DNAAF11: variants seen among roughly 807,000 people sequenced by gnomAD.
The protein encoded by DNAAF11 is dynein axonemal assembly factor 11.
In DNAAF11, 45 loss-of-function variants were observed where a neutral mutation model predicts 60.8. That is an observed-to-expected ratio of 0.74 (90% CI 0.58 to 0.95). DNAAF11 has a LOEUF of 0.95. Ranked by LOEUF, DNAAF11 falls within the 40% of genes least tolerant of loss-of-function variation. The pLI is 0.00. For missense variants in DNAAF11, 546 were observed against 546.2 expected (o/e 1.00, Z 0.00); for synonymous variants, 191 against 183.5 (o/e 1.04, Z -0.33).
At chr8:132,692,489 G>C in the DNAAF11 span, among the ~76,000 whole-genome samples, 1 of 152,174 alleles carries the variant, frequency 6.6e-6, no homozygotes, top group Non-Finnish European at 1.5e-5. Flanking sequence ...ATGCAGCCAG[G>C]CACAGCTCTT....
At chr8:132,659,621 A>G (rs1401910806) in intron 2 of DNAAF11, among the ~76,000 whole-genome samples, 2 of 152,174 alleles carry the variant, frequency 1.3e-5, no homozygotes, top group Non-Finnish European at 2.9e-5. Flanking sequence ...CAGAGTTTCT[A>G]ATTTCTGGTC....
In DNAAF11 at chr8:132,661,442, C is replaced by G; in HGVS notation, c.178+18G>C. 1 of 1,594,572 alleles carries G rather than the reference C, an allele frequency of 6.3e-7. No homozygotes were observed. Among genetic ancestry groups the G allele is most frequent in the Admixed American group, 1.7e-5 (1 of 58,788 alleles). On this transcript the variant is annotated intron_variant, in intron 2 of 11. Coordinates refer to ENST00000620350, the MANE Select transcript of DNAAF11 (RefSeq NM_012472.6). The stretch of plus-strand genomic sequence containing the variant: ...CACAATGTTCAAGAAACCATGAGAA[C>G]TAAGTACTGAAACTTACCAATTTTC...
chr8:132,626,373 G>A (rs1033982539), intron 5 of DNAAF11, among the ~76,000 whole-genome samples: 1 of 152,090 alleles, frequency 6.6e-6, no homozygotes, highest in South Asian at 2.1e-4. Context: ...ATTATGGCCT[G>A]TGTCTAGTTT....
intron 10 of DNAAF11, among the ~76,000 whole-genome samples, chr8:132,602,395 T>C (rs1054039018): frequency 2.6e-5 from 4 of 152,110 alleles, no homozygotes; most frequent in Non-Finnish European, 5.9e-5. Context: ...GAGGTATGTG[T>C]TTAGCACTGT....
intron 6 of DNAAF11, chr8:132,622,939 G>T (rs1819907337): frequency 1.4e-5 from 5 of 351,524 alleles, no homozygotes; most frequent in Non-Finnish European, 2.5e-5. Flanking sequence ...AAGACAATTT[G>T]CCAGATAATT....
At chr8:132,616,763 A>T (rs1037149293) in intron 7 of DNAAF11, among the ~76,000 whole-genome samples, 17 of 152,226 alleles carry the variant, frequency 1.1e-4, no homozygotes, top group African/African-American at 4.1e-4. Flanking sequence ...GCACTCAGGC[A>T]AAAGTTTTCT....
chr8:132,593,877 C>G (rs1816728021), intron 10 of DNAAF11, among the ~76,000 whole-genome samples: 1 of 151,924 alleles, frequency 6.6e-6, no homozygotes. Context: ...CTATATACCA[C>G]CCATAAAAAT....
At chr8:132,685,509 T>C in the DNAAF11 span, among the ~76,000 whole-genome samples, 183 of 152,322 alleles carry the variant, frequency 1.2e-3, no homozygotes, top group African/African-American at 4.3e-3. Context: ...TCTTCTTTGA[T>C]TTGAGTTTTT....
chr8:132,663,088 C>T (rs1052831412), intron 1 of DNAAF11, among the ~76,000 whole-genome samples: 3 of 152,094 alleles, frequency 2.0e-5, no homozygotes, highest in Non-Finnish European at 4.4e-5. Context: ...TAAGCTTTGG[C>T]TCAACTAACA....
At chr8:132,663,402 G>C (rs1389813575) in intron 1 of DNAAF11, among the ~76,000 whole-genome samples, 1 of 152,174 alleles carries the variant, frequency 6.6e-6, no homozygotes, top group Non-Finnish European at 1.5e-5. Context: ...CCAGAGGATA[G>C]AGCAATGCTC....
chr8:132,611,843 T>A (rs1818700472), intron 8 of DNAAF11, among the ~76,000 whole-genome samples: 1 of 152,134 alleles, frequency 6.6e-6, no homozygotes, highest in African/African-American at 2.4e-5. Context: ...CAAAGTCACA[T>A]CCTGCTGAAT....
At chr8:132,625,822 G>A (rs1820214656) in intron 5 of DNAAF11, among the ~76,000 whole-genome samples, 1 of 152,152 alleles carries the variant, frequency 6.6e-6, no homozygotes, top group African/African-American at 2.4e-5. Flanking sequence ...CAGTAGATCT[G>A]AAGTAGTAGA....
At chr8:132,674,859 G>C (rs556738422) in intron 1 of DNAAF11, among the ~76,000 whole-genome samples, 6 of 152,256 alleles carry the variant, frequency 3.9e-5, no homozygotes, top group African/African-American at 1.4e-4. Context: ...CTGCACTCCA[G>C]CCTGGGCGAC....
intron 1 of DNAAF11, among the ~76,000 whole-genome samples, chr8:132,674,031 G>GAGGAGCAGGAGCAGA (rs1554612961): frequency 6.8e-6 from 1 of 146,714 alleles, no homozygotes; most frequent in African/African-American, 2.5e-5. Flanking sequence ...GAAGGAGCAG[G>GAGGAGCAGGAGCAGA]AGGAGCAGGA....
chr8:132,682,394 C>G, the DNAAF11 span, among the ~76,000 whole-genome samples: 9 of 152,222 alleles, frequency 5.9e-5, no homozygotes, highest in Non-Finnish European at 1.0e-4. Flanking sequence ...CTTGGACTCT[C>G]TGAACCATTT....
chr8:132,631,724 T>C (rs1052540527), intron 5 of DNAAF11, among the ~76,000 whole-genome samples: 3 of 152,076 alleles, frequency 2.0e-5, no homozygotes, highest in Non-Finnish European at 4.4e-5. Flanking sequence ...TTATTTCTTA[T>C]TTAAAAAAAG....
intron 3 of DNAAF11, among the ~76,000 whole-genome samples, chr8:132,653,400 T>C (rs1823223398): frequency 6.6e-6 from 1 of 152,134 alleles, no homozygotes; most frequent in African/African-American, 2.4e-5. Flanking sequence ...GAGTGTTTTT[T>C]AGGCTGAAAT....
At chr8:132,638,436 C>A (rs909728085) in intron 3 of DNAAF11, among the ~76,000 whole-genome samples, 11 of 152,144 alleles carry the variant, frequency 7.2e-5, no homozygotes, top group African/African-American at 2.2e-4. Flanking sequence ...AAAGCTGCTA[C>A]TATACTTTTC....
intron 10 of DNAAF11, among the ~76,000 whole-genome samples, chr8:132,606,544 T>C (rs1359157719): frequency 6.6e-6 from 1 of 152,206 alleles, no homozygotes; most frequent in African/African-American, 2.4e-5. Flanking sequence ...GCACAATCAA[T>C]GCAGCCTCGA....
Sources: gnomAD v4.1 joint callset for allele counts (sites outside exome capture counted in the v4.1 genomes callset) on GRCh38, gnomAD v4.1.1 for gene constraint, MANE v1.5 for transcripts, NCBI Gene and HGNC (gene_info 2026-07-23, HGNC 2026-07-21) for gene names.